The following GRB14 variants were observed in gnomAD, a reference collection of about 807,000 sequenced individuals.
The protein encoded by GRB14 is growth factor receptor-bound protein 14.
Under a neutral mutation model 69.1 loss-of-function variants are expected in GRB14, and 38 were observed. That is an observed-to-expected ratio of 0.55 (90% CI 0.42 to 0.72). The LOEUF (loss-of-function observed/expected upper bound fraction) is 0.72, where lower values mean the gene tolerates loss of function less well. Among genes scored for constraint, GRB14 ranks in the 30% least tolerant of loss-of-function variants. GRB14 has a pLI of 0.00. For synonymous variants in GRB14, 247 were observed against 241.3 expected (o/e 1.02, Z -0.22); for missense variants, 666 against 666.1 (o/e 1.00, Z 0.00).
intron 2 of GRB14, among the ~76,000 whole-genome samples, chr2:164,569,823 T>A (rs1229961913): frequency 1.3e-5 from 2 of 152,100 alleles, no homozygotes; most frequent in Non-Finnish European, 2.9e-5. Context: ...ATTAATTTGA[T>A]CCTTATCCAG....
At chr2:164,512,745 T>C (rs976590933) in intron 6 of GRB14, among the ~76,000 whole-genome samples, 2 of 152,162 alleles carry the variant, frequency 1.3e-5, no homozygotes, top group Admixed American at 6.5e-5. Flanking sequence ...AAGGAAGCTA[T>C]ACAAGAGCAG....
intron 2 of GRB14, among the ~76,000 whole-genome samples, chr2:164,573,536 T>A (rs1205804194): frequency 6.6e-6 from 1 of 152,194 alleles, no homozygotes; most frequent in African/African-American, 2.4e-5. Flanking sequence ...TGAATCAATT[T>A]TATTCCAATT....
At chr2:164,561,243 A>T (rs990900355) in intron 2 of GRB14, among the ~76,000 whole-genome samples, 1 of 152,120 alleles carries the variant, frequency 6.6e-6, no homozygotes, top group Admixed American at 6.6e-5. Flanking sequence ...CAGATCTCAG[A>T]CCCCAAACTT....
At position 164,503,054 on chromosome 2, in the gene GRB14, C is replaced by A. The variant is rs1011887747; in HGVS notation, c.1024-719G>T. On this transcript the variant is annotated intron_variant, in intron 8 of 13. Coordinates refer to ENST00000263915, the MANE Select transcript of GRB14 (RefSeq NM_004490.3). The stretch of plus-strand genomic sequence containing the variant: ...ATTGGAAAACCGGTCTGGATTATAA[C>A]TGGATTATTAGTTTGAAAAACAGTA... Among the ~76,000 whole-genome samples the A allele has an allele frequency of 1.5e-3, 233 of 151,238 alleles. 1 individual carries two copies. The highest frequency in any genetic ancestry group is 3.8e-4 in the Non-Finnish European group (26 of 67,908).
intron 7 of GRB14, 88 bp from the exon 8 acceptor site, chr2:164,508,638 T>A (rs1484554180): frequency 1.0e-5 from 15 of 1,438,088 alleles, no homozygotes; most frequent in Middle Eastern, 3.6e-4. Flanking sequence ...TTCTCCTATA[T>A]ATAAGAGAAA....
chr2:164,613,989 C>G (rs1282696494), intron 2 of GRB14, among the ~76,000 whole-genome samples: 3 of 152,186 alleles, frequency 2.0e-5, no homozygotes, highest in African/African-American at 7.2e-5. Context: ...CCTATAACCT[C>G]CCCCAGAACA....
intron 2 of GRB14, among the ~76,000 whole-genome samples, chr2:164,617,963 G>GTT (rs1558887064): frequency 1.5e-4 from 19 of 127,500 alleles, no homozygotes; most frequent in South Asian, 5.9e-4. Context: ...TTTTTTTGGG[G>GTT]GGGGGGGGGT....
Position 164,530,324 on chromosome 2 carries a change from C to T in GRB14, c.482-3189G>A, listed in dbSNP as rs543682003. On this transcript the variant is annotated intron_variant, in intron 3 of 13. Transcript: ENST00000263915. Reference sequence around the variant, plus strand: ...AATAGAGTGAGAATTCACTCATTACCACAAGGATGGCACCAAGTCATTCAC... The same window carrying T: ...AATAGAGTGAGAATTCACTCATTACTACAAGGATGGCACCAAGTCATTCAC... Among the ~76,000 whole-genome samples, 15 of 152,200 alleles carry T rather than the reference C, an allele frequency of 9.9e-5. No individual in the cohort carries two copies. In the East Asian group the frequency reaches 2.5e-3, roughly 26 times the overall value.
At chr2:164,607,202 T>C (rs1023716512) in intron 2 of GRB14, among the ~76,000 whole-genome samples, 10 of 152,238 alleles carry the variant, frequency 6.6e-5, no homozygotes, top group Non-Finnish European at 4.4e-5. Context: ...ATATCATTTA[T>C]ATTAAAATAT....
chr2:164,537,500 G>A (rs1688108589), intron 3 of GRB14, among the ~76,000 whole-genome samples: 1 of 152,078 alleles, frequency 6.6e-6, no homozygotes, highest in Admixed American at 6.5e-5. Flanking sequence ...GCTATGAAGG[G>A]CAGACAGGTC....
intron 2 of GRB14, among the ~76,000 whole-genome samples, chr2:164,551,315 A>T (rs1374380273): frequency 6.6e-6 from 1 of 152,130 alleles, no homozygotes; most frequent in Non-Finnish European, 1.5e-5. Flanking sequence ...TTTCTACTGG[A>T]CCTAAGCCTG....
At chr2:164,596,371 G>C (rs1481652481) in intron 2 of GRB14, among the ~76,000 whole-genome samples, 1 of 152,134 alleles carries the variant, frequency 6.6e-6, no homozygotes, top group Non-Finnish European at 1.5e-5. Flanking sequence ...TAAAATATTT[G>C]TGCACCAAGG....
chr2:164,561,742 A>T (rs1422486765), intron 2 of GRB14, among the ~76,000 whole-genome samples: 2 of 152,136 alleles, frequency 1.3e-5, no homozygotes, highest in African/African-American at 4.8e-5. Flanking sequence ...CCTCATCCAA[A>T]AATGGGTTTG....
chr2:164,588,140 A>G (rs1052527549), intron 2 of GRB14, among the ~76,000 whole-genome samples: 1 of 152,228 alleles, frequency 6.6e-6, no homozygotes. Flanking sequence ...CTCTATAGGA[A>G]ACAGGATTTA....
intron 2 of GRB14, among the ~76,000 whole-genome samples, chr2:164,562,541 C>A (rs1688855643): frequency 6.6e-6 from 1 of 152,092 alleles, no homozygotes; most frequent in Non-Finnish European, 1.5e-5. Flanking sequence ...TGGATAACCA[C>A]TTTAGGAGAA....
At chr2:164,527,620 G>C (rs1289213188) in intron 3 of GRB14, among the ~76,000 whole-genome samples, 3 of 151,894 alleles carry the variant, frequency 2.0e-5, no homozygotes, top group African/African-American at 7.2e-5. Flanking sequence ...GACTAATCTG[G>C]ATAGCTGAGA....
At chr2:164,495,233 C>T (rs1165898576) in intron 12 of GRB14, among the ~76,000 whole-genome samples, 2 of 150,352 alleles carry the variant, frequency 1.3e-5, no homozygotes, top group Non-Finnish European at 2.9e-5. Flanking sequence ...TGAGCCACCA[C>T]GCCTGGCCTG....
intron 5 of GRB14, among the ~76,000 whole-genome samples, 159 bp from the exon 6 acceptor site, chr2:164,522,276 T>C (rs1265082982): frequency 6.6e-6 from 1 of 152,084 alleles, no homozygotes; most frequent in East Asian, 1.9e-4. Flanking sequence ...GTATACTGCA[T>C]TGCTTTGATA....
intron 2 of GRB14, among the ~76,000 whole-genome samples, chr2:164,596,614 T>C (rs754077591): frequency 1.2e-4 from 19 of 152,312 alleles, no homozygotes; most frequent in Non-Finnish European, 1.9e-4. Flanking sequence ...TTAAAGTACA[T>C]TTGGTCTAAG....
Sources: allele counts gnomAD v4.1 joint callset (sites outside exome capture counted in the v4.1 genomes callset), GRCh38; gene constraint gnomAD v4.1.1; transcripts MANE v1.5; gene names NCBI Gene and HGNC (gene_info 2026-07-23, HGNC 2026-07-21).